The following RBFOX1 variants were observed in gnomAD, a reference collection of about 807,000 sequenced individuals.
RBFOX1 encodes the protein RNA binding protein fox-1 homolog 1.
A neutral mutation model predicts 57.7 loss-of-function variants in RBFOX1; 8 were observed. The ratio of observed to expected loss-of-function variants is 0.14; its 90% CI spans 0.08 to 0.25. RBFOX1 has a LOEUF of 0.25. Among genes scored for constraint, RBFOX1 ranks in the 10% least tolerant of loss-of-function variants. The pLI is 1.00. For synonymous variants in RBFOX1, 326 were observed against 222.4 expected, an observed-to-expected ratio of 1.47 and a Z score of -4.15; for missense variants, 611 against 548.5, an observed-to-expected ratio of 1.11 and a Z score of -1.14.
intron 4 of RBFOX1, among the ~76,000 whole-genome samples, chr16:7,439,257 C>A (rs1254881879): frequency 2.0e-5 from 3 of 152,090 alleles, no homozygotes. Flanking sequence ...GATCATGCCC[C>A]AGTGGCTCTT....
chr16:7,494,804 C>T (rs1209322480), intron 4 of RBFOX1, among the ~76,000 whole-genome samples: 4 of 142,838 alleles, frequency 2.8e-5, no homozygotes, highest in African/African-American at 1.0e-4. Context: ...GCTTGAGCTC[C>T]TTAATATCAG....
At position 7,611,501 on chromosome 16, in the gene RBFOX1, C is replaced by T. The variant is rs565952340; in HGVS notation, c.676+4163C>T. Reference sequence around the variant, plus strand: ...GGCTGAGGCAGAAGAATCACTTGAACCTGGGAGGCAGAGGTTGCAGTGAGC... The same window carrying T: ...GGCTGAGGCAGAAGAATCACTTGAATCTGGGAGGCAGAGGTTGCAGTGAGC... On this transcript the variant is annotated intron_variant, in intron 10 of 15. Transcript: ENST00000550418. Among the ~76,000 whole-genome samples the T allele has an allele frequency of 2.6e-5, 4 of 151,920 alleles. No individual in the cohort carries two copies. The East Asian group carries it at 7.8e-4, about 30-fold the overall frequency.
At chr16:6,825,664 G>A (rs1356430535) in intron 3 of RBFOX1, among the ~76,000 whole-genome samples, 1 of 152,150 alleles carries the variant, frequency 6.6e-6, no homozygotes, top group African/African-American at 2.4e-5. Flanking sequence ...CAGAAAGCAG[G>A]AGTCTTGGAT....
chr16:7,241,078 A>T (rs74013330), intron 4 of RBFOX1, among the ~76,000 whole-genome samples: 43 of 152,302 alleles, frequency 2.8e-4, no homozygotes, highest in African/African-American at 1.0e-3. Context: ...TATTTAGCGC[A>T]GTTTTTAGTA....
At position 5,818,289 on chromosome 16, in the gene RBFOX1, A is replaced by G. The variant is rs77081634; in HGVS notation, c.319-49014A>G. Among the ~76,000 whole-genome samples, 644 of 152,252 alleles carry G rather than the reference A, an allele frequency of 4.2e-3. 6 individuals carry two copies. The highest frequency in any genetic ancestry group is 0.014 in the African/African-American group (594 of 41,552). ...GCAATGGACTGACAGGGTGAAGACC[A>G]TTACCCCGGCAGGAAAGCCTGAGTT... On this transcript the variant is annotated intron_variant, in intron 3 of 19. Coordinates refer to the RBFOX1 transcript ENST00000641259.
At chr16:6,817,046 C>T (rs954952584) in intron 3 of RBFOX1, among the ~76,000 whole-genome samples, 1 of 152,090 alleles carries the variant, frequency 6.6e-6, no homozygotes. Flanking sequence ...CCATGCTCAG[C>T]CTCTTTGACA....
At chr16:5,321,980 T>G (rs1596514391) in intron 1 of RBFOX1, among the ~76,000 whole-genome samples, 1 of 152,136 alleles carries the variant, frequency 6.6e-6, no homozygotes, top group South Asian at 2.1e-4. Context: ...CGTCTCACCT[T>G]CAGATCTAAC....
rs138072466 is a variant in RBFOX1 at position 7,069,312 on chromosome 16, C to A, written c.27+17214C>A. 7.2e-3 allele frequency among the ~76,000 whole-genome samples: 1,103 copies of A among 152,212 alleles called. 10 individuals carry two copies. Among genetic ancestry groups the A allele is most frequent in the Middle Eastern group, 0.017 (5 of 294 alleles). ...TCATCCCACCATCTAGGTATTAAGC[C>A]CTGCGTGCATTAGCTGTTTTCCCTA... On this transcript the variant is annotated intron_variant, in intron 4 of 15. Transcript: ENST00000550418.
intron 3 of RBFOX1, among the ~76,000 whole-genome samples, chr16:6,772,289 C>G (rs1437843602): frequency 6.6e-6 from 1 of 152,078 alleles, no homozygotes; most frequent in African/African-American, 2.4e-5. Flanking sequence ...ATATACAGTG[C>G]CTGACCCTAG....
chr16:6,212,673 C>T lies in RBFOX1; in HGVS notation c.-126-104322C>T, dbSNP rs573937462. ...AGTGAGCTGAGATCGTGCCACTGCA[C>T]TCCAGCCTGGGTGACAGAGTGAGAG... On this transcript the variant is annotated intron_variant, in intron 1 of 15. Coordinates refer to ENST00000550418, the MANE Select transcript of RBFOX1 (RefSeq NM_018723.4). 4.6e-5 allele frequency among the ~76,000 whole-genome samples: 7 copies of T among 152,154 alleles called. 1 individual carries two copies. The South Asian group carries it at 8.3e-4, about 18-fold the overall frequency.
chr16:7,367,043 C>T (rs764724182), intron 4 of RBFOX1, among the ~76,000 whole-genome samples: 89 of 151,934 alleles, frequency 5.9e-4, no homozygotes, highest in Non-Finnish European at 9.9e-4. Context: ...TGATTCCCTC[C>T]CCCAAACCCC....
intron 3 of RBFOX1, among the ~76,000 whole-genome samples, chr16:6,815,045 A>T (rs12598041): frequency 0.33 from 50,292 of 152,018 alleles, 9,869 homozygotes; most frequent in Non-Finnish European, 0.44. Context: ...GGGATGGATT[A>T]TTCATAGTTT....
intron 2 of RBFOX1, among the ~76,000 whole-genome samples, chr16:6,332,924 A>C (rs2083213861): frequency 6.6e-6 from 1 of 152,258 alleles, no homozygotes; most frequent in Admixed American, 6.5e-5. Flanking sequence ...GCTACACCTT[A>C]CAGAACATGG....
intron 1 of RBFOX1, among the ~76,000 whole-genome samples, chr16:5,463,627 C>G (rs754247852): frequency 1.5e-4 from 23 of 151,964 alleles, no homozygotes; most frequent in Middle Eastern, 3.4e-3. Context: ...TGGTGAAACC[C>G]TGTGTCCACT....
intron 4 of RBFOX1, among the ~76,000 whole-genome samples, chr16:7,438,626 A>G (rs1226832458): frequency 6.6e-6 from 1 of 152,190 alleles, no homozygotes; most frequent in Non-Finnish European, 1.5e-5. Flanking sequence ...TGAAAATATA[A>G]TCAGGCTAAT....
chr16:5,767,962 A>AT (rs1007684876), intron 3 of RBFOX1, among the ~76,000 whole-genome samples: 3 of 152,208 alleles, frequency 2.0e-5, no homozygotes, highest in African/African-American at 7.2e-5. Context: ...AAATGTATAT[A>AT]TTTTTCAGTT....
chr16:5,457,488 A>C (rs2068665272), intron 1 of RBFOX1, among the ~76,000 whole-genome samples: 1 of 152,138 alleles, frequency 6.6e-6, no homozygotes, highest in Non-Finnish European at 1.5e-5. Context: ...TTCCACTTTC[A>C]TGAGCTGATC....
At chr16:7,099,771 G>A (rs1296814012) in intron 4 of RBFOX1, among the ~76,000 whole-genome samples, 3 of 152,206 alleles carry the variant, frequency 2.0e-5, no homozygotes, top group Admixed American at 6.5e-5. Context: ...CACATATTCT[G>A]ATGGGCAAGT....
At chr16:7,701,462 A>C (rs570328616) in intron 14 of RBFOX1, among the ~76,000 whole-genome samples, 2 of 152,010 alleles carry the variant, frequency 1.3e-5, no homozygotes, top group South Asian at 4.2e-4. Flanking sequence ...TAGGTTGCAC[A>C]CTCCTTTTGA....
Sources: allele counts gnomAD v4.1 joint callset (sites outside exome capture counted in the v4.1 genomes callset), GRCh38; gene constraint gnomAD v4.1.1; transcripts MANE v1.5; gene names NCBI Gene and HGNC (gene_info 2026-07-23, HGNC 2026-07-21).